C8orf34: variants seen among roughly 807,000 people sequenced by gnomAD.
The protein encoded by C8orf34 is chromosome 8 open reading frame 34.
A neutral mutation model predicts 68.3 loss-of-function variants in C8orf34; 65 were observed. That is an observed-to-expected ratio of 0.95 (90% CI 0.78 to 1.17). C8orf34 has a LOEUF of 1.17. Ranked by LOEUF, C8orf34 falls within the 50% of genes most tolerant of loss-of-function variation. The pLI is 0.00. For missense variants in C8orf34, 664 were observed against 655.4 expected (o/e 1.01, Z -0.14); for synonymous variants, 244 against 241.2 (o/e 1.01, Z -0.11).
chr8:68,601,668 T>C (rs900691093), intron 7 of C8orf34, among the ~76,000 whole-genome samples: 4 of 152,196 alleles, frequency 2.6e-5, no homozygotes, highest in African/African-American at 9.6e-5. Flanking sequence ...GAGTCACTTC[T>C]AGGATGGCTA....
At chr8:68,814,684 T>C (rs1824755464) in intron 12 of C8orf34, among the ~76,000 whole-genome samples, 2 of 152,210 alleles carry the variant, frequency 1.3e-5, no homozygotes, top group Admixed American at 1.3e-4. Context: ...AAGTGACATA[T>C]ATAGGAAAGG....
intron 10 of C8orf34, among the ~76,000 whole-genome samples, chr8:68,744,272 C>T (rs1822404511): frequency 6.6e-6 from 1 of 151,898 alleles, no homozygotes; most frequent in African/African-American, 2.4e-5. Flanking sequence ...GATAAAACCA[C>T]AAAGATGGGG....
chr8:68,630,423 C>T (rs931340506), intron 7 of C8orf34, among the ~76,000 whole-genome samples: 3 of 152,108 alleles, frequency 2.0e-5, no homozygotes, highest in African/African-American at 7.2e-5. Context: ...AGACTAGCCA[C>T]ATTTCAAGCA....
intron 5 of C8orf34, among the ~76,000 whole-genome samples, chr8:68,519,734 G>T (rs968150156): frequency 3.3e-5 from 5 of 152,000 alleles, no homozygotes; most frequent in African/African-American, 9.6e-5. Flanking sequence ...ACCTGGGGGT[G>T]GGGGGGAAGA....
At chr8:68,503,031 G>T (rs1010395470) in intron 5 of C8orf34, among the ~76,000 whole-genome samples, 25 of 152,102 alleles carry the variant, frequency 1.6e-4, no homozygotes, top group African/African-American at 6.0e-4. Context: ...AGCTCAAAAG[G>T]CCCAGGTTTT....
At chr8:68,371,347 T>C (rs574562239) in intron 1 of C8orf34, among the ~76,000 whole-genome samples, 1 of 152,288 alleles carries the variant, frequency 6.6e-6, no homozygotes, top group East Asian at 1.9e-4. Flanking sequence ...AATTCCATAG[T>C]TTTGGCAAAT....
chr8:68,714,140 T>G (rs1287144898), intron 9 of C8orf34, among the ~76,000 whole-genome samples: 1 of 152,122 alleles, frequency 6.6e-6, no homozygotes, highest in African/African-American at 2.4e-5. Flanking sequence ...GGTTCATACC[T>G]TAAGGTAAAA....
intron 10 of C8orf34, among the ~76,000 whole-genome samples, chr8:68,727,095 A>G (rs1821852486): frequency 6.6e-6 from 1 of 152,182 alleles, no homozygotes; most frequent in Admixed American, 6.5e-5. Flanking sequence ...CTTTCTGTCT[A>G]TGAGCTTGTA....
chr8:68,706,171 C>T (rs939198354), intron 8 of C8orf34, among the ~76,000 whole-genome samples: 2 of 152,118 alleles, frequency 1.3e-5, no homozygotes, highest in African/African-American at 4.8e-5. Context: ...ATGATTTTCT[C>T]GATTATTGTT....
At chr8:68,466,819 A>AGG (rs1256341014) in intron 3 of C8orf34, among the ~76,000 whole-genome samples, 1 of 148,970 alleles carries the variant, frequency 6.7e-6, no homozygotes, top group Non-Finnish European at 1.5e-5. Context: ...GCTAGGTCAC[A>AGG]GGGTCGGTGC....
rs542477725 is a variant in C8orf34 at position 68,611,139 on chromosome 8, C to T, written c.1106-29237C>T. ...TTAGCCTCCCAAAGTGCTGGGATTA[C>T]AGGCGTGAGCCACTGTGCCCAGCCT... On this transcript the variant is annotated intron_variant, in intron 7 of 13. Coordinates refer to ENST00000518698, the MANE Select transcript of C8orf34 (RefSeq NM_052958.4). Among the ~76,000 whole-genome samples the T allele has an allele frequency of 1.4e-3, 213 of 152,272 alleles. 1 individual carries two copies. Among genetic ancestry groups the T allele is most frequent in the African/African-American group, 4.8e-3 (199 of 41,566 alleles).
chr8:68,807,247 G>A (rs1038035866), intron 12 of C8orf34, among the ~76,000 whole-genome samples: 11 of 152,082 alleles, frequency 7.2e-5, no homozygotes, highest in African/African-American at 2.7e-4. Context: ...TCTACCACTT[G>A]GGAAAACAAA....
chr8:68,729,692 T>C (rs1434486094), intron 10 of C8orf34, among the ~76,000 whole-genome samples: 1 of 152,140 alleles, frequency 6.6e-6, no homozygotes, highest in Non-Finnish European at 1.5e-5. Flanking sequence ...GCATAAAAAA[T>C]TGTACTCATA....
intron 5 of C8orf34, among the ~76,000 whole-genome samples, chr8:68,514,328 G>C (rs79308093): frequency 6.6e-5 from 10 of 152,068 alleles, no homozygotes; most frequent in African/African-American, 2.4e-4. Flanking sequence ...TTTCTCTAAG[G>C]ATACCCTCCC....
chr8:68,723,161 C>G (rs566920380), intron 10 of C8orf34, among the ~76,000 whole-genome samples: 1 of 152,016 alleles, frequency 6.6e-6, no homozygotes. Context: ...ACAGTTTATT[C>G]CTGTTTGTTA....
intron 1 of C8orf34, among the ~76,000 whole-genome samples, chr8:68,333,219 T>C (rs1805706495): frequency 1.3e-5 from 2 of 152,126 alleles, no homozygotes. Flanking sequence ...AACCCCCACC[T>C]TTTGATGCTC....
At chr8:68,534,129 G>A (rs1563513948) in intron 7 of C8orf34, 2 of 981,754 alleles carry the variant, frequency 2.0e-6, no homozygotes, top group Non-Finnish European at 2.4e-6. Flanking sequence ...ATGATATATT[G>A]CTTATCATTT....
chr8:68,587,570 G>A (rs1006219070), intron 7 of C8orf34, among the ~76,000 whole-genome samples: 3 of 151,698 alleles, frequency 2.0e-5, no homozygotes, highest in African/African-American at 7.3e-5. Flanking sequence ...GATAAGCATT[G>A]TATAAAAAAT....
intron 1 of C8orf34, among the ~76,000 whole-genome samples, chr8:68,368,299 T>C (rs1807403913): frequency 6.6e-6 from 1 of 152,186 alleles, no homozygotes; most frequent in South Asian, 2.1e-4. Context: ...GAATTTTCAG[T>C]GTAAAGAGGC....
Sources: gnomAD v4.1 joint callset for allele counts (sites outside exome capture counted in the v4.1 genomes callset) on GRCh38, gnomAD v4.1.1 for gene constraint, MANE v1.5 for transcripts, NCBI Gene and HGNC (gene_info 2026-07-23, HGNC 2026-07-21) for gene names.